Variants in MAGI1 observed in about 807,000 individuals in gnomAD.
MAGI1 encodes membrane associated guanylate kinase, WW and PDZ domain containing 1.
A neutral mutation model predicts 139.9 loss-of-function variants in MAGI1; 58 were observed. The ratio of observed to expected loss-of-function variants is 0.41; its 90% CI spans 0.34 to 0.52. MAGI1 has a LOEUF of 0.52. MAGI1 is among the 20% of genes least tolerant of loss of function. The probability of loss-of-function intolerance (pLI) is 0.12; values close to 1 mark genes in which losing one functional copy is unlikely to be tolerated. For missense variants in MAGI1, 1,874 were observed against 1,901.6 expected (o/e 0.99, Z 0.27); for synonymous variants, 812 against 737.9 (o/e 1.10, Z -1.63).
chr3:65,802,659 T>C (rs1246899984), intron 1 of MAGI1, among the ~76,000 whole-genome samples: 3 of 152,224 alleles, frequency 2.0e-5, no homozygotes, highest in Non-Finnish European at 4.4e-5. Context: ...TGTTCATTCC[T>C]GTAACATCTA....
At chr3:65,902,641 AGGCATCCAG>A (rs1186933816) in intron 1 of MAGI1, 1 of 152,718 alleles carries the variant, frequency 6.5e-6, no homozygotes, top group African/African-American at 2.4e-5. Flanking sequence ...AATTTGCGAC[AGGCATCCAG>A]GGCTCTTCCT....
chr3:65,733,082 G>A (rs1179847512), intron 1 of MAGI1, among the ~76,000 whole-genome samples: 2 of 152,018 alleles, frequency 1.3e-5, no homozygotes, highest in Non-Finnish European at 2.9e-5. Flanking sequence ...TTGAGATGGA[G>A]TTTTGCTCCC....
At chr3:65,793,514 G>A (rs1346373471) in intron 1 of MAGI1, among the ~76,000 whole-genome samples, 7 of 152,336 alleles carry the variant, frequency 4.6e-5, no homozygotes, top group African/African-American at 1.7e-4. Context: ...GAGGCATGGA[G>A]CTGGGAGCTT....
chr3:65,722,484 T>C (rs1216684539), intron 1 of MAGI1, among the ~76,000 whole-genome samples: 1 of 145,478 alleles, frequency 6.9e-6, no homozygotes, highest in Non-Finnish European at 1.5e-5. Context: ...AAAAAAAAAA[T>C]TAGCTAGACA....
intron 1 of MAGI1, among the ~76,000 whole-genome samples, chr3:65,961,469 A>C (rs544915005): frequency 1.3e-5 from 2 of 152,364 alleles, no homozygotes; most frequent in South Asian, 4.1e-4. Context: ...AGTATAATAA[A>C]GAGTCCTCAT....
intron 1 of MAGI1, among the ~76,000 whole-genome samples, chr3:65,698,705 C>T (rs1274324608): frequency 1.9e-4 from 29 of 150,340 alleles, no homozygotes; most frequent in Non-Finnish European, 1.3e-4. Flanking sequence ...CCCTTCCTTA[C>T]ACCTTATACA....
chr3:65,968,526 G>A (rs2064867578), intron 1 of MAGI1, among the ~76,000 whole-genome samples: 2 of 151,832 alleles, frequency 1.3e-5, no homozygotes. Context: ...AAAACAAGGA[G>A]CAGAAACTCA....
chr3:65,936,957 GTGGTGGTGGTGGTGA>G (rs1266978481), intron 1 of MAGI1, among the ~76,000 whole-genome samples: 10 of 150,070 alleles, frequency 6.7e-5, no homozygotes, highest in Non-Finnish European at 1.2e-4. Flanking sequence ...GATGGTGATG[GTGGTGGTGGTGGTGA>G]TGGTGGTGGT....
In MAGI1 at chr3:65,782,490, G is replaced by A. The variant is rs191395513; in HGVS notation, c.314-160402C>T. 1.8e-4 allele frequency among the ~76,000 whole-genome samples: 27 copies of A among 151,834 alleles called. No homozygotes were observed. In the East Asian group the frequency reaches 3.9e-3, roughly 22 times the overall value. On this transcript the variant is annotated intron_variant, in intron 1 of 22. Coordinates refer to ENST00000402939, the MANE Select transcript of MAGI1 (RefSeq NM_001033057.2). ...ATGTGTGTTAAGGCACTCACTTTGT[G>A]AAAAAGTGTTACAGCAGCAAATAAG... is the stretch of plus-strand genomic sequence containing the variant.
intron 1 of MAGI1, among the ~76,000 whole-genome samples, chr3:65,788,040 C>T (rs900625478): frequency 2.6e-5 from 4 of 152,158 alleles, no homozygotes; most frequent in African/African-American, 9.7e-5. Flanking sequence ...CCTCTTCCCC[C>T]ACTTTTACTA....
chr3:65,648,161 T>C (rs530351157), intron 1 of MAGI1, among the ~76,000 whole-genome samples: 3 of 152,246 alleles, frequency 2.0e-5, no homozygotes, highest in South Asian at 4.2e-4. Context: ...TTCTTTTTTT[T>C]TTTTCTTTTT....
At position 65,910,855 on chromosome 3, in the gene MAGI1, C is replaced by CATTTTTTTTTTTTTT. The variant is rs755783850; in HGVS notation, c.313+127140_313+127141insAAAAAAAAAAAAAAT. 1.2e-4 allele frequency among the ~76,000 whole-genome samples: 7 copies of CATTTTTTTTTTTTTT among 59,480 alleles called. 1 individual carries two copies. In the East Asian group the frequency reaches 4.5e-3, roughly 38 times the overall value. The allele number at this position is 59,480 out of a possible 152,430, so 39.0% of individuals were successfully genotyped here. On this transcript the variant is annotated intron_variant, in intron 1 of 22. Coordinates refer to ENST00000402939, the MANE Select transcript of MAGI1 (RefSeq NM_001033057.2). ...TGAGGCCTCTTTCAGACATGGTGGA[C>CATTTTTTTTTTTTTT]TTTTTTTTTTTTTTTTTTTTGAGAT...
At chr3:65,951,005 A>G (rs1436853387) in intron 1 of MAGI1, among the ~76,000 whole-genome samples, 81 of 129,066 alleles carry the variant, frequency 6.3e-4, no homozygotes, top group Non-Finnish European at 9.0e-4. Flanking sequence ...GGAAGGAAGG[A>G]AGGAAGGAAG....
intron 1 of MAGI1, among the ~76,000 whole-genome samples, chr3:65,841,443 TTTTG>T (rs1380750404): frequency 3.5e-5 from 4 of 114,196 alleles, no homozygotes; most frequent in South Asian, 2.9e-4. Context: ...TTGTTTTTGT[TTTTG>T]TTTTTGTTTT....
At chr3:65,814,934 G>A (rs77818756) in intron 1 of MAGI1, among the ~76,000 whole-genome samples, 5,441 of 152,252 alleles carry the variant, frequency 0.036, 132 homozygotes, top group Middle Eastern at 0.051. Flanking sequence ...AATATCTACA[G>A]AGAGGAAAAG....
chr3:65,508,226 AC>A (rs1268766722), intron 2 of MAGI1, among the ~76,000 whole-genome samples: 1 of 152,012 alleles, frequency 6.6e-6, no homozygotes, highest in African/African-American at 2.4e-5. Context: ...ACACGGTGAA[AC>A]CCCGTCTCTA....
intron 2 of MAGI1, among the ~76,000 whole-genome samples, chr3:65,501,472 A>AAAC (rs2077079524): frequency 6.6e-6 from 1 of 151,536 alleles, no homozygotes; most frequent in Non-Finnish European, 1.5e-5. Context: ...AAAAAAAAAA[A>AAAC]AAATTTAAAC....
intron 1 of MAGI1, among the ~76,000 whole-genome samples, chr3:65,737,285 G>A (rs564517646): frequency 3.3e-5 from 5 of 152,236 alleles, no homozygotes; most frequent in Non-Finnish European, 5.9e-5. Flanking sequence ...GATTACAGGC[G>A]TAAGCCACTG....
chr3:65,376,891 G>A (rs1009556329), intron 17 of MAGI1, among the ~76,000 whole-genome samples: 1 of 152,210 alleles, frequency 6.6e-6, no homozygotes, highest in African/African-American at 2.4e-5. Flanking sequence ...GGCACTGCAT[G>A]TCATTGCTAA....
Sources: allele counts gnomAD v4.1 joint callset (sites outside exome capture counted in the v4.1 genomes callset), GRCh38; gene constraint gnomAD v4.1.1; transcripts MANE v1.5; gene names NCBI Gene and HGNC (gene_info 2026-07-23, HGNC 2026-07-21).